The following PPL variants were observed in gnomAD, a reference collection of about 807,000 sequenced individuals.
PPL encodes the protein periplakin.
A neutral mutation model predicts 194.4 loss-of-function variants in PPL; 198 were observed. The observed-to-expected ratio is 1.02, with a 90% CI of 0.91 to 1.15. The LOEUF is 1.15. Ranked by LOEUF, PPL falls within the 50% of genes most tolerant of loss-of-function variation. The pLI, the probability that PPL is intolerant of heterozygous loss-of-function variation, is 0.00. For missense variants in PPL, 2,885 were observed against 2,294.8 expected (o/e 1.26, Z -5.25); for synonymous variants, 1,220 against 972.4 (o/e 1.25, Z -4.74).
rs149820625 is a variant in PPL, at chr16:4,912,599, A to G, written c.63-1650T>C. ...CCTACTCGTTTTATTTTAGAGTTAA[A>G]TGTGTTTACAAAGGTAACTTCTCTC... On this transcript the variant is annotated intron_variant, in intron 1 of 21. Coordinates refer to ENST00000345988, the MANE Select transcript of PPL (RefSeq NM_002705.5). Among the ~76,000 whole-genome samples, 698 of 152,380 alleles carry G rather than the reference A, an allele frequency of 4.6e-3. 7 individuals carry two copies. Among genetic ancestry groups the G allele is most frequent in the African/African-American group, 0.016 (670 of 41,602 alleles).
At chr16:4,890,671 G>C in intron 17 of PPL, 57 bp downstream of exon 17, 1 of 1,526,290 alleles carries the variant, frequency 6.6e-7, no homozygotes, top group South Asian at 1.2e-5. Context: ...ATTGCTTAGA[G>C]GGAATTAGAT....
chr16:4,928,668 G>T (rs926216089), intron 1 of PPL, among the ~76,000 whole-genome samples: 1 of 152,178 alleles, frequency 6.6e-6, no homozygotes. Context: ...TTCCAAGTTT[G>T]TACCACAAAG....
chr16:4,930,066 T>G (rs138251780), intron 1 of PPL, among the ~76,000 whole-genome samples: 40 of 152,338 alleles, frequency 2.6e-4, no homozygotes, highest in African/African-American at 9.6e-4. Flanking sequence ...TAAAAATGTA[T>G]ATATGCAAGC....
rs780733053 is a variant in PPL, at chr16:4,888,937, C to A, written c.2397+41G>T. ...CTGACCAGGGCACGGTGGAATAAGACCCCTGCTGTTTGTGCTTTGGGCGGA... is the reference window on the plus strand; with the variant it reads ...CTGACCAGGGCACGGTGGAATAAGAACCCTGCTGTTTGTGCTTTGGGCGGA... On this transcript the variant is annotated intron_variant, in intron 19 of 21. Coordinates refer to ENST00000345988, the MANE Select transcript of PPL (RefSeq NM_002705.5). 6.9e-6 allele frequency: 11 copies of A among 1,583,198 alleles called. No individual in the cohort carries two copies. In the African/African-American group the frequency reaches 8.1e-5, roughly 12 times the overall value.
rs1221396983 is a variant in PPL, at chr16:4,902,470, TAGA to T, written c.371_373del (p.Ile124_Tyr125delinsAsn). ...ATCCACTTCCTTCACCGCCAGCCTG[TAGA>T]TCTGCTTGTGTTTCCCGCGCAGGTT... On this transcript the variant is annotated inframe_deletion, in exon 4 of 22. Transcript: ENST00000345988. The surrounding 1 kb of genome is among the most constrained non-coding windows in gnomAD (Gnocchi z 4.0). The T allele has an allele frequency of 2.5e-6, 4 of 1,613,846 alleles. No homozygotes were observed. Among genetic ancestry groups the T allele is most frequent in the Non-Finnish European group, 3.4e-6 (4 of 1,179,924 alleles).
rs1255177563 is a variant in PPL, at chr16:4,885,314, A to T, written c.3341T>A (p.Val1114Asp). ...ERAMAEGKIT[V>D]KEVLKVEKDA... ...CTTCTCCACCTTGAGCACCTCCTTG[A>T]CGGTGATCTTGCCCTCGGCCATGGC... The change falls in exon 22 of 22, where the codon GTC (valine) becomes GAC (aspartate). Residue 1114 changes from valine to aspartate, a missense_variant. By Grantham distance (152) the Val-to-Asp change is radical (BLOSUM62 -3). Coordinates refer to ENST00000345988, the MANE Select transcript of PPL (RefSeq NM_002705.5). This position sits in a 1 kb window ranked among gnomAD's most constrained non-coding sequence, Gnocchi z 6.3. 2 of 1,611,048 alleles carry T rather than the reference A, an allele frequency of 1.2e-6. No individual in the cohort carries two copies. Among genetic ancestry groups the T allele is most frequent in the South Asian group, 2.2e-5 (2 of 90,960 alleles).
chr16:4,884,361 G>A lies in PPL; in HGVS notation c.4294C>T (p.Gln1432Ter), dbSNP rs1198051370. The A allele has an allele frequency of 6.2e-7, 1 of 1,611,916 alleles. No individual in the cohort carries two copies. The highest frequency in any genetic ancestry group is 8.5e-7 in the Non-Finnish European group (1 of 1,179,612). ...TTCTCACGGGCCTCAGCTTCTTCCTGCTCCAGCGCTGCCAGCCGCTGCTGC... is the reference window on the plus strand; with the variant it reads ...TTCTCACGGGCCTCAGCTTCTTCCTACTCCAGCGCTGCCAGCCGCTGCTGC... ...RLQQRLAALE[Q>*]EEAEAREKVT... Residue 1432 changes from glutamine to a stop codon, truncating the protein, a stop_gained, in exon 22 of 22, where the codon CAG (glutamine) becomes TAG (stop). Transcript: ENST00000345988. LOFTEE classifies it high-confidence loss of function. This position sits in a 1 kb window ranked among gnomAD's most constrained non-coding sequence, Gnocchi z 5.7.
rs778097640 is a variant in PPL at position 4,893,618 on chromosome 16, C to G, written c.1415G>C (p.Ser472Thr). The change falls in exon 13 of 22, where the codon AGC becomes ACC. Residue 472 changes from serine (S) to threonine (T), a missense_variant. Ser to Thr is a moderately conservative substitution (Grantham distance 58). Transcript: ENST00000345988. ...LADSLGSQYR[S>T]VRQKAAGSKR... Reference sequence around the variant, plus strand: ...GCTCCCAGCTGCCTTCTGCCGCACGCTCCGGTACTGGCTGCCCAGGCTGTG... The same window carrying G: ...GCTCCCAGCTGCCTTCTGCCGCACGGTCCGGTACTGGCTGCCCAGGCTGTG... 1.9e-6 allele frequency: 3 copies of G among 1,601,500 alleles called. No individual in the cohort carries two copies. The highest frequency in any genetic ancestry group is 8.5e-7 in the Non-Finnish European group (1 of 1,176,154).
intron 1 of PPL, among the ~76,000 whole-genome samples, chr16:4,928,904 G>A (rs2089192590): frequency 1.3e-5 from 2 of 149,898 alleles, no homozygotes; most frequent in Non-Finnish European, 3.0e-5. Flanking sequence ...CCAGCTACTT[G>A]GGAGGCTGAG....
At chr16:4,889,698 C>A (rs1170754586) in intron 18 of PPL, among the ~76,000 whole-genome samples, 2 of 152,128 alleles carry the variant, frequency 1.3e-5, no homozygotes, top group South Asian at 4.1e-4. Context: ...TCAAACGATG[C>A]CAGGAGGTAA....
At chr16:4,895,854 G>C (rs1213079978) in intron 9 of PPL, 138 bp from the exon 10 acceptor site, 5 of 1,239,170 alleles carry the variant, frequency 4.0e-6, no homozygotes, top group Admixed American at 4.3e-5. Context: ...CCTGTGCTGA[G>C]CCTGAGGCTC....
In PPL at chr16:4,885,999, C is replaced by A; in HGVS notation, c.2656G>T (p.Asp886Tyr). The A allele has an allele frequency of 6.2e-7, 1 of 1,614,004 alleles. No homozygotes were observed. Among genetic ancestry groups the A allele is most frequent in the Non-Finnish European group, 8.5e-7 (1 of 1,180,042 alleles). ...TTCCACGCCTCCTCCACTCCAGAGT[C>A]CGGCCTATTCCTTTGCAGGGTCTCA... ...THETLQRNRP[D>Y]SGVEEAWKIR... Residue 886 changes from aspartate (D) to tyrosine (Y), a missense_variant, in exon 22 of 22, where the codon GAC becomes TAC. Physicochemically the swap from Asp to Tyr is radical, Grantham distance 160. Coordinates refer to ENST00000345988, the MANE Select transcript of PPL (RefSeq NM_002705.5). The surrounding 1 kb of genome is among the most constrained non-coding windows in gnomAD (Gnocchi z 6.3).
At chr16:4,890,060 A>G (rs2088290072) in intron 18 of PPL, 124 bp downstream of exon 18, 1 of 1,392,324 alleles carries the variant, frequency 7.2e-7, no homozygotes, top group Admixed American at 1.9e-5. Context: ...CAGGGAGGAC[A>G]CAGCTGTGGC....
At chr16:4,912,448 C>T (rs933404895) in intron 1 of PPL, among the ~76,000 whole-genome samples, 2 of 152,260 alleles carry the variant, frequency 1.3e-5, no homozygotes, top group African/African-American at 4.8e-5. Context: ...ATTCATTCAA[C>T]AGCTGACAAC....
chr16:4,888,050 G>A (rs1007405200), intron 20 of PPL, 52 bp downstream of exon 20: 2 of 1,327,688 alleles, frequency 1.5e-6, no homozygotes, highest in African/African-American at 2.9e-5. Context: ...TGGGGAGCAG[G>A]GCAGCTTGGC....
intron 1 of PPL, among the ~76,000 whole-genome samples, chr16:4,913,365 T>A (rs902584660): frequency 1.3e-5 from 2 of 152,110 alleles, no homozygotes; most frequent in African/African-American, 4.8e-5. Flanking sequence ...TGTGCCTCTG[T>A]CTCCCAATCC....
Position 4,883,487 on chromosome 16 carries a change from T to G in PPL, c.5168A>C (p.Glu1723Ala). 2 of 1,614,226 alleles carry G rather than the reference T, an allele frequency of 1.2e-6. No homozygotes were observed. The highest frequency in any genetic ancestry group is 1.7e-6 in the Non-Finnish European group (2 of 1,180,042). The change falls in exon 22 of 22, where the codon GAG becomes GCG. Residue 1723 changes from glutamate to alanine, a missense_variant. Glu to Ala is a moderately radical substitution (Grantham distance 107). Transcript: ENST00000345988. The surrounding 1 kb of genome is among the most constrained non-coding windows in gnomAD (Gnocchi z 4.8). ...GGTCAGCCTGCCACTCTGCAGGGCC[T>G]CTTCGATGGAGAACTTCTTGCCAGA... is the stretch of plus-strand genomic sequence containing the variant. ...RKSGKKFSIEEALQSGRLTPA... is the reference protein window; with the variant it reads ...RKSGKKFSIEAALQSGRLTPA...
intron 18 of PPL, 135 bp downstream of exon 18, chr16:4,890,049 C>T: frequency 7.7e-7 from 1 of 1,300,378 alleles, no homozygotes; most frequent in Non-Finnish European, 1.1e-6. Context: ...GAGCTGAGGC[C>T]CAGGGAGGAC....
chr16:4,883,247 C>G lies in PPL; in HGVS notation c.*137G>C. On this transcript the variant is annotated 3_prime_UTR_variant, in exon 22 of 22. Coordinates refer to ENST00000345988, the MANE Select transcript of PPL (RefSeq NM_002705.5). The surrounding 1 kb of genome is among the most constrained non-coding windows in gnomAD (Gnocchi z 4.8). ...GCCTGTCTCATATGTGGGCGGGACT[C>G]TGAGCAGCCTGGCAGCGAGGGTATG... 8.1e-7 allele frequency: 1 copy of G among 1,238,818 alleles called. No individual in the cohort carries two copies. Among genetic ancestry groups the G allele is most frequent in the Admixed American group, 2.2e-5 (1 of 45,406 alleles). 76.7% of individuals were successfully genotyped at this position (1,238,818 alleles called of 1,614,324 possible).
Sources: allele counts gnomAD v4.1 joint callset (sites outside exome capture counted in the v4.1 genomes callset), GRCh38; gene constraint gnomAD v4.1.1; non-coding constraint Gnocchi (gnomAD v3.1); transcripts MANE v1.5; gene names NCBI Gene and HGNC (gene_info 2026-07-23, HGNC 2026-07-21).